The following PPP1R9A variants were observed in gnomAD, a reference collection of about 807,000 sequenced individuals.
PPP1R9A encodes the protein protein phosphatase 1 regulatory subunit 9A.
A neutral mutation model predicts 141.9 loss-of-function variants in PPP1R9A; 59 were observed. That is an observed-to-expected ratio of 0.42 (90% confidence interval 0.34 to 0.52). The LOEUF is 0.52. Among genes scored for constraint, PPP1R9A ranks in the 20% least tolerant of loss-of-function variants. PPP1R9A has a pLI of 0.10. For missense variants in PPP1R9A, 1,444 were observed against 1,611.9 expected (o/e 0.90, Z 1.78); for synonymous variants, 500 against 569.7 (o/e 0.88, Z 1.74).
intron 1 of PPP1R9A, chr7:94,908,379 T>C (rs1221402748): frequency 2.6e-5 from 4 of 152,198 alleles, no homozygotes; most frequent in African/African-American, 9.7e-5. Context: ...TTTTTTTAAA[T>C]GTGGCCAGGG....
rs1333833570 is a variant in PPP1R9A at position 95,293,459 on chromosome 7, T to G, written c.*3156T>G. 6.6e-6 allele frequency: 1 copy of G among 152,174 alleles called. No homozygotes were observed. The highest frequency in any genetic ancestry group is 6.5e-5 in the Admixed American group (1 of 15,278). 9.4% of individuals were successfully genotyped at this position (152,174 alleles called of 1,614,324 possible). On this transcript the variant is annotated 3_prime_UTR_variant, in exon 20 of 20. Transcript: ENST00000433360. ...GGGATTGACAATTGATTTCACACCC[T>G]CAACATCACAAGCTTTTTTTAACCC...
chr7:95,072,425 C>A (rs1230846923), intron 2 of PPP1R9A, among the ~76,000 whole-genome samples: 18 of 142,670 alleles, frequency 1.3e-4, no homozygotes, highest in African/African-American at 3.9e-4. Context: ...TATGATTCAT[C>A]TCAAACTGGA....
At chr7:95,171,162 G>A (rs2152749461) in intron 5 of PPP1R9A, among the ~76,000 whole-genome samples, 1 of 151,548 alleles carries the variant, frequency 6.6e-6, no homozygotes, top group South Asian at 2.1e-4. Context: ...AAGAAAAAGA[G>A]CACAGGGGAA....
At chr7:95,205,619 A>G (rs1463128778) in intron 7 of PPP1R9A, among the ~76,000 whole-genome samples, 2 of 152,206 alleles carry the variant, frequency 1.3e-5, no homozygotes, top group East Asian at 1.9e-4. Context: ...TGGATTTTCT[A>G]TGCCTTTTGT....
chr7:95,087,234 T>C lies in PPP1R9A; in HGVS notation c.1396-24025T>C, dbSNP rs553015432. On this transcript the variant is annotated intron_variant, in intron 2 of 19. Transcript: ENST00000433360. The stretch of plus-strand genomic sequence containing the variant: ...TTTAAGACACAGAAATAAACATAAT[T>C]TAGATATGGGTGTATAGCACTCAGA... Among the ~76,000 whole-genome samples the C allele has an allele frequency of 2.6e-5, 4 of 152,028 alleles. No individual in the cohort carries two copies. The South Asian group carries it at 8.3e-4, about 31-fold the overall frequency.
chr7:95,106,656 T>G (rs918102223), intron 2 of PPP1R9A, among the ~76,000 whole-genome samples: 2 of 152,238 alleles, frequency 1.3e-5, no homozygotes, highest in Non-Finnish European at 2.9e-5. Context: ...TGTACACATT[T>G]GCAAGTATTT....
chr7:95,092,975 A>G (rs767477431), intron 2 of PPP1R9A, among the ~76,000 whole-genome samples: 3 of 152,204 alleles, frequency 2.0e-5, no homozygotes, highest in Non-Finnish European at 4.4e-5. Flanking sequence ...GCAAATGGAC[A>G]TTTGAGTGCA....
At chr7:95,203,849 G>A in intron 7 of PPP1R9A, 119 bp downstream of exon 7, 1 of 672,182 alleles carries the variant, frequency 1.5e-6, no homozygotes, top group South Asian at 2.2e-5. Flanking sequence ...CTAGAGTGAT[G>A]TGTTTTGTGC....
intron 2 of PPP1R9A, among the ~76,000 whole-genome samples, chr7:94,967,179 T>A (rs1011989633): frequency 6.6e-6 from 1 of 152,204 alleles, no homozygotes; most frequent in Non-Finnish European, 1.5e-5. Flanking sequence ...CTTATCATTT[T>A]TGTTGTGTCT....
In PPP1R9A at chr7:95,070,050, T is replaced by C. The variant is rs144479909; in HGVS notation, c.1396-41209T>C. 3.8e-3 allele frequency among the ~76,000 whole-genome samples: 579 copies of C among 152,276 alleles called. 6 individuals carry two copies. The highest frequency in any genetic ancestry group is 0.013 in the African/African-American group (547 of 41,582). The stretch of plus-strand genomic sequence containing the variant: ...TTTAAAAAATATACATGATTCCCTT[T>C]GTGGGTGCAACTATTATGTTATTGC... On this transcript the variant is annotated intron_variant, in intron 2 of 19. Transcript: ENST00000433360.
At chr7:95,021,832 T>G (rs1164693809) in intron 2 of PPP1R9A, among the ~76,000 whole-genome samples, 3 of 152,200 alleles carry the variant, frequency 2.0e-5, no homozygotes, top group Non-Finnish European at 4.4e-5. Flanking sequence ...GGTCTATATC[T>G]CTGTTTTTGT....
At chr7:95,163,754 T>C (rs996410988) in intron 5 of PPP1R9A, among the ~76,000 whole-genome samples, 2 of 152,112 alleles carry the variant, frequency 1.3e-5, no homozygotes, top group Non-Finnish European at 2.9e-5. Context: ...AGTTGTTATT[T>C]TTTGAGACAG....
intron 5 of PPP1R9A, among the ~76,000 whole-genome samples, chr7:95,174,586 G>A (rs760961527): frequency 3.3e-5 from 5 of 152,006 alleles, no homozygotes; most frequent in Admixed American, 6.6e-5. Context: ...AGCACCATAC[G>A]AATTGATTAT....
At chr7:95,237,180 T>C (rs1189783758) in intron 8 of PPP1R9A, among the ~76,000 whole-genome samples, 1 of 133,292 alleles carries the variant, frequency 7.5e-6, no homozygotes, top group Non-Finnish European at 1.7e-5. Context: ...TATATATATA[T>C]TTTTTTTTTT....
chr7:94,946,596 A>G (rs1795918961), intron 2 of PPP1R9A, among the ~76,000 whole-genome samples: 1 of 152,142 alleles, frequency 6.6e-6, no homozygotes, highest in Non-Finnish European at 1.5e-5. Context: ...TTAGTCAGAA[A>G]ACACTTAAAA....
chr7:95,121,459 GTCTATCTATCTATCTA>G (rs35336740), intron 4 of PPP1R9A, among the ~76,000 whole-genome samples: 107 of 50,368 alleles, frequency 2.1e-3, no homozygotes, highest in Admixed American at 4.0e-3. Flanking sequence ...CTGTCTGTCT[GTCTATCTATCTATCTA>G]TCTATCTATC....
intron 2 of PPP1R9A, among the ~76,000 whole-genome samples, chr7:95,092,782 G>A (rs1584646359): frequency 6.6e-6 from 1 of 152,206 alleles, no homozygotes; most frequent in East Asian, 1.9e-4. Flanking sequence ...CTAGACAAGA[G>A]GATAGTCATC....
chr7:95,081,665 T>C (rs1815856053), intron 2 of PPP1R9A, among the ~76,000 whole-genome samples: 1 of 152,202 alleles, frequency 6.6e-6, no homozygotes. Flanking sequence ...TGGCCAAATA[T>C]GTAGTGACAT....
intron 2 of PPP1R9A, among the ~76,000 whole-genome samples, chr7:95,029,985 A>G (rs1322948233): frequency 6.6e-6 from 1 of 152,204 alleles, no homozygotes; most frequent in Non-Finnish European, 1.5e-5. Flanking sequence ...TCGCCTTTGC[A>G]GTAGGATGAA....
Sources: gnomAD v4.1 joint callset for allele counts (sites outside exome capture counted in the v4.1 genomes callset) on GRCh38, gnomAD v4.1.1 for gene constraint, MANE v1.5 for transcripts, NCBI Gene and HGNC (gene_info 2026-07-23, HGNC 2026-07-21) for gene names.